Variants in PCCA observed in about 807,000 individuals in gnomAD.
PCCA encodes propionyl-CoA carboxylase subunit alpha, also known as propionyl-CoA carboxylase alpha chain, mitochondrial.
In PCCA, 74 loss-of-function variants were observed where a neutral mutation model predicts 101.3. The ratio of observed to expected loss-of-function variants is 0.73; its 90% CI spans 0.61 to 0.89. The LOEUF is 0.89. Among genes scored for constraint, PCCA ranks in the 40% least tolerant of loss-of-function variants. PCCA has a pLI of 0.00. For missense variants in PCCA, 891 were observed against 907.0 expected (o/e 0.98, Z 0.23); for synonymous variants, 294 against 313.6 (o/e 0.94, Z 0.66).
intron 19 of PCCA, among the ~76,000 whole-genome samples, chr13:100,396,913 C>T (rs1426729625): frequency 6.6e-6 from 1 of 152,124 alleles, no homozygotes; most frequent in African/African-American, 2.4e-5. Context: ...CCCCAAGGCC[C>T]TGCTGTGGTT....
chr13:100,267,597 G>T (rs999993660), intron 10 of PCCA, among the ~76,000 whole-genome samples: 3 of 151,858 alleles, frequency 2.0e-5, no homozygotes, highest in Non-Finnish European at 2.9e-5. Context: ...CTGGTCTTTG[G>T]GCTTCTAAAA....
At chr13:100,162,407 A>G (rs1196154212) in intron 6 of PCCA, among the ~76,000 whole-genome samples, 1 of 129,100 alleles carries the variant, frequency 7.7e-6, no homozygotes, top group East Asian at 4.0e-4. Context: ...CATAGCTGGT[A>G]AATGAGAGAG....
Position 100,154,849 on chromosome 13 carries a change from T to TGCAACTAAAAAAGAAATACG in PCCA, c.301-130_301-129insGCAACTAAAAAAGAAATACG, listed in dbSNP as rs1485719784. The TGCAACTAAAAAAGAAATACG allele has an allele frequency of 1.4e-5, 10 of 731,540 alleles. No individual in the cohort carries two copies. The East Asian group carries it at 2.5e-4, about 18-fold the overall frequency. The allele number at this position is 731,540 out of a possible 1,614,324, so 45.3% of individuals were successfully genotyped here. A position where few individuals can be genotyped will look rare whatever the true frequency, so the allele number is the denominator to read the frequency against. ...TGTTGCATTGTTGCTTTTTAGTGCATACTCAAAAAGAAATACGACTCTATA... is the reference window on the plus strand; with the variant it reads ...TGTTGCATTGTTGCTTTTTAGTGCATGCAACTAAAAAAGAAATACGACTCAAAAAGAAATACGACTCTATA... On this transcript the variant is annotated intron_variant, in intron 4 of 23. Coordinates refer to ENST00000376285, the MANE Select transcript of PCCA (RefSeq NM_000282.4).
intron 16 of PCCA, among the ~76,000 whole-genome samples, chr13:100,323,904 AG>A (rs1870405380): frequency 2.6e-5 from 4 of 152,346 alleles, no homozygotes; most frequent in African/African-American, 9.6e-5. Flanking sequence ...ACCTAAGGTA[AG>A]GGATAGACCT....
At chr13:100,156,276 C>T (rs1466678600) in intron 5 of PCCA, among the ~76,000 whole-genome samples, 8 of 152,284 alleles carry the variant, frequency 5.3e-5, no homozygotes, top group Admixed American at 4.6e-4. Context: ...CCATGTTGGT[C>T]AGGCTGGTCT....
intron 5 of PCCA, among the ~76,000 whole-genome samples, chr13:100,156,368 C>T (rs368719504): frequency 1.3e-5 from 2 of 152,096 alleles, no homozygotes; most frequent in South Asian, 2.1e-4. Context: ...GTGCCCAGCC[C>T]GAGTTCAGCA....
intron 16 of PCCA, among the ~76,000 whole-genome samples, chr13:100,317,372 A>T (rs1014336116): frequency 6.6e-6 from 1 of 152,146 alleles, no homozygotes; most frequent in African/African-American, 2.4e-5. Flanking sequence ...ATGTTCCCCC[A>T]TAAGTAGGAA....
At chr13:100,506,936 A>C (rs911332409) in intron 21 of PCCA, among the ~76,000 whole-genome samples, 4 of 152,184 alleles carry the variant, frequency 2.6e-5, no homozygotes, top group Non-Finnish European at 5.9e-5. Flanking sequence ...ATTGTACCCC[A>C]AATTATACAG....
At chr13:100,530,036 G>T in intron 23 of PCCA, 62 bp from the exon 24 acceptor site, 1 of 1,276,988 alleles carries the variant, frequency 7.8e-7, no homozygotes, top group Non-Finnish European at 1.1e-6. Flanking sequence ...GGAGCCTGCC[G>T]CCTCTTGGTT....
At chr13:100,425,496 T>G in intron 19 of PCCA, 137 bp from the exon 20 acceptor site, 1 of 715,958 alleles carries the variant, frequency 1.4e-6, no homozygotes, top group South Asian at 1.5e-5. Context: ...CCTGTCTTTC[T>G]TGGCTGGAGC....
chr13:100,483,819 G>A (rs2084148148), intron 21 of PCCA, among the ~76,000 whole-genome samples: 1 of 152,148 alleles, frequency 6.6e-6, no homozygotes. Context: ...TATTTAGAGA[G>A]CACCTCCCTA....
intron 2 of PCCA, among the ~76,000 whole-genome samples, chr13:100,108,096 G>A (rs1260228464): frequency 6.6e-6 from 1 of 152,178 alleles, no homozygotes; most frequent in African/African-American, 2.4e-5. Flanking sequence ...CTTGGTCTCT[G>A]AATGGAGTGT....
At chr13:100,350,130 G>A (rs2073084945) in intron 18 of PCCA, among the ~76,000 whole-genome samples, 1 of 152,146 alleles carries the variant, frequency 6.6e-6, no homozygotes, top group African/African-American at 2.4e-5. Flanking sequence ...AAAAGTAACC[G>A]TGTGAAAATA....
chr13:100,522,464 A>T (rs1300470920), intron 22 of PCCA, among the ~76,000 whole-genome samples: 20 of 152,170 alleles, frequency 1.3e-4, no homozygotes, highest in Non-Finnish European at 4.4e-5. Flanking sequence ...GCCATATGCC[A>T]CTGGCACCGT....
chr13:100,282,479 G>C (rs779425877), intron 12 of PCCA, among the ~76,000 whole-genome samples: 2 of 152,206 alleles, frequency 1.3e-5, no homozygotes, highest in Non-Finnish European at 2.9e-5. Flanking sequence ...GGCTGCGCTC[G>C]GCACTTGCGG....
intron 6 of PCCA, among the ~76,000 whole-genome samples, chr13:100,167,974 A>G (rs9557399): frequency 0.34 from 51,968 of 151,654 alleles, 9,921 homozygotes; most frequent in East Asian, 0.72. Context: ...ACCCCCTTTC[A>G]TTTACTCCCA....
chr13:100,103,511 C>A (rs2047463421), intron 2 of PCCA, among the ~76,000 whole-genome samples: 1 of 151,796 alleles, frequency 6.6e-6, no homozygotes, highest in South Asian at 2.1e-4. Flanking sequence ...GGGGTTTCAC[C>A]ATGTTGGCCA....
At chr13:100,166,841 G>T (rs559926958) in intron 6 of PCCA, among the ~76,000 whole-genome samples, 2 of 152,072 alleles carry the variant, frequency 1.3e-5, no homozygotes, top group Non-Finnish European at 2.9e-5. Context: ...CTGCAAACTC[G>T]TTGGTACAAT....
chr13:100,441,941 AT>A lies in PCCA; in HGVS notation c.1846-7307del, dbSNP rs536102323. Among the ~76,000 whole-genome samples the A allele has an allele frequency of 1.6e-3, 246 of 151,352 alleles. 3 individuals are homozygous for A. The highest frequency in any genetic ancestry group is 5.7e-3 in the African/African-American group (236 of 41,242). On this transcript the variant is annotated intron_variant, in intron 20 of 23. Coordinates refer to ENST00000376285, the MANE Select transcript of PCCA (RefSeq NM_000282.4). Reference sequence around the variant, plus strand: ...GAAATAAATTCCAGTTCTGAGTGAAATTTTATTTCTGTTTTTCTTTACATCA... The same window carrying A: ...GAAATAAATTCCAGTTCTGAGTGAAATTTATTTCTGTTTTTCTTTACATCA...
Sources: allele counts gnomAD v4.1 joint callset (sites outside exome capture counted in the v4.1 genomes callset), GRCh38; gene constraint gnomAD v4.1.1; transcripts MANE v1.5; gene names NCBI Gene and HGNC (gene_info 2026-07-23, HGNC 2026-07-21).